TACR3: variants seen among roughly 807,000 people sequenced by gnomAD.
The protein encoded by TACR3 is tachykinin receptor 3, also known as neuromedin-K receptor.
A neutral mutation model predicts 35.0 loss-of-function variants in TACR3; 34 were observed. The ratio of observed to expected loss-of-function variants is 0.97; its 90% CI spans 0.74 to 1.30. TACR3 has a LOEUF of 1.30. Among genes scored for constraint, TACR3 ranks in the 50% most tolerant of loss-of-function variants. The pLI is 0.00. For missense variants in TACR3, 558 were observed against 591.7 expected, an observed-to-expected ratio of 0.94 and a Z score of 0.59; for synonymous variants, 233 against 221.1, an observed-to-expected ratio of 1.05 and a Z score of -0.48.
chr4:103,694,064 T>A (rs553758535), intron 1 of TACR3, among the ~76,000 whole-genome samples: 6 of 152,122 alleles, frequency 3.9e-5, no homozygotes, highest in East Asian at 1.9e-4. Context: ...ACATTAAAAA[T>A]TTTTTTCTTT....
chr4:103,595,555 T>C (rs1723986524), intron 3 of TACR3, among the ~76,000 whole-genome samples: 1 of 152,100 alleles, frequency 6.6e-6, no homozygotes, highest in South Asian at 2.1e-4. Context: ...TTGTATACCG[T>C]ACAGATTAGA....
chr4:103,706,608 A>G (rs1359023239), intron 1 of TACR3, among the ~76,000 whole-genome samples: 1 of 152,174 alleles, frequency 6.6e-6, no homozygotes, highest in African/African-American at 2.4e-5. Flanking sequence ...GAAAGAAAGT[A>G]CATATAATAA....
intron 3 of TACR3, among the ~76,000 whole-genome samples, chr4:103,632,014 G>T (rs1725077421): frequency 6.6e-6 from 1 of 152,028 alleles, no homozygotes; most frequent in Non-Finnish European, 1.5e-5. Context: ...GTAAACTAAA[G>T]AATCATACAT....
rs116635493 is a variant in TACR3, at chr4:103,717,557, T to G, written c.548+1571A>C. ...TTTCCCCTTCAAATTGAAATACAGA[T>G]TTCACATGCACTAAAATTTTCTTCA... is the stretch of plus-strand genomic sequence containing the variant. On this transcript the variant is annotated intron_variant, in intron 1 of 4. Transcript: ENST00000304883. Among the ~76,000 whole-genome samples the G allele has an allele frequency of 4.8e-3, 732 of 152,220 alleles. 7 individuals are homozygous for G. The highest frequency in any genetic ancestry group is 0.017 in the African/African-American group (691 of 41,546).
chr4:103,606,159 G>T (rs1232598391), intron 3 of TACR3, among the ~76,000 whole-genome samples: 1 of 151,346 alleles, frequency 6.6e-6, no homozygotes, highest in Non-Finnish European at 1.5e-5. Context: ...ATTTCTGAGG[G>T]CTCTGTTCTG....
chr4:103,718,869 T>C (rs950781492), intron 1 of TACR3, among the ~76,000 whole-genome samples: 1 of 152,172 alleles, frequency 6.6e-6, no homozygotes, highest in African/African-American at 2.4e-5. Flanking sequence ...CTGTCCCTCA[T>C]TCACCTTCTT....
At chr4:103,679,131 T>A (rs1472005158) in intron 1 of TACR3, among the ~76,000 whole-genome samples, 2 of 152,074 alleles carry the variant, frequency 1.3e-5, no homozygotes, top group Non-Finnish European at 2.9e-5. Flanking sequence ...TCCTCTATGT[T>A]GCATTACTGT....
chr4:103,628,361 G>A (rs1484095272), intron 3 of TACR3, among the ~76,000 whole-genome samples: 1 of 151,492 alleles, frequency 6.6e-6, no homozygotes, highest in East Asian at 1.9e-4. Context: ...CCAGGAGCTG[G>A]TTTTTTGAAA....
At chr4:103,699,822 G>A (rs777129748) in intron 1 of TACR3, among the ~76,000 whole-genome samples, 29 of 152,058 alleles carry the variant, frequency 1.9e-4, no homozygotes, top group Non-Finnish European at 3.5e-4. Context: ...TTAGAGGAAC[G>A]TCAGGAACTC....
chr4:103,686,075 C>A (rs1332334107), intron 1 of TACR3, among the ~76,000 whole-genome samples: 3 of 152,170 alleles, frequency 2.0e-5, no homozygotes, highest in African/African-American at 7.2e-5. Flanking sequence ...AGCAACAAAT[C>A]TGCAGTCTAG....
At chr4:103,702,621 A>G (rs1722681620) in intron 1 of TACR3, among the ~76,000 whole-genome samples, 1 of 152,082 alleles carries the variant, frequency 6.6e-6, no homozygotes, top group African/African-American at 2.4e-5. Flanking sequence ...TTGCGGCACT[A>G]TTCACAATAG....
intron 1 of TACR3, among the ~76,000 whole-genome samples, chr4:103,673,931 G>A (rs556601426): frequency 3.3e-5 from 5 of 152,254 alleles, no homozygotes; most frequent in African/African-American, 9.6e-5. Flanking sequence ...TTTTCCAAAT[G>A]TGTACAACTC....
intron 3 of TACR3, among the ~76,000 whole-genome samples, chr4:103,638,717 C>G (rs898681038): frequency 1.3e-5 from 2 of 152,136 alleles, no homozygotes; most frequent in African/African-American, 4.8e-5. Flanking sequence ...TATCCAGAAT[C>G]TACAATGAAC....
chr4:103,678,879 C>T (rs1166651015), intron 1 of TACR3, among the ~76,000 whole-genome samples: 2 of 151,448 alleles, frequency 1.3e-5, no homozygotes, highest in Non-Finnish European at 1.5e-5. Flanking sequence ...TCTTTGAGGG[C>T]CATAAGTCTT....
chr4:103,605,542 TC>T (rs1197487595), intron 3 of TACR3, among the ~76,000 whole-genome samples: 1 of 150,020 alleles, frequency 6.7e-6, no homozygotes, highest in Non-Finnish European at 1.5e-5. Context: ...AGATAGTATC[TC>T]ATTGTGGTTT....
chr4:103,616,086 T>C (rs1006463969), intron 3 of TACR3, among the ~76,000 whole-genome samples: 17 of 152,190 alleles, frequency 1.1e-4, no homozygotes, highest in African/African-American at 4.1e-4. Context: ...AGGTCAGTAA[T>C]GTCAGAAATT....
At chr4:103,623,662 C>T (rs935805258) in intron 3 of TACR3, among the ~76,000 whole-genome samples, 12 of 152,074 alleles carry the variant, frequency 7.9e-5, no homozygotes, top group Non-Finnish European at 1.5e-4. Context: ...GCAATAGAAA[C>T]TGAATTTTAA....
At position 103,629,865 on chromosome 4, in the gene TACR3, A is replaced by AC. The variant is rs1422527724; in HGVS notation, c.888+26328_888+26329insG. 5.6e-4 allele frequency among the ~76,000 whole-genome samples: 73 copies of AC among 130,562 alleles called. 2 individuals are homozygous for AC. Among genetic ancestry groups the AC allele is most frequent in the Middle Eastern group, 4.5e-3 (1 of 224 alleles). 85.7% of individuals were successfully genotyped at this position (130,562 alleles called of 152,430 possible). A position where few individuals can be genotyped will look rare whatever the true frequency, so the allele number is the denominator to read the frequency against. On this transcript the variant is annotated intron_variant, in intron 3 of 4. Transcript: ENST00000304883. ...CTAAGCAAAACAAAAAAAAAACAAA[A>AC]AAAAAACAAAAAAAACAACAACAAC... is the stretch of plus-strand genomic sequence containing the variant.
intron 1 of TACR3, among the ~76,000 whole-genome samples, chr4:103,686,983 T>A (rs1000211885): frequency 6.6e-6 from 1 of 152,242 alleles, no homozygotes; most frequent in African/African-American, 2.4e-5. Context: ...TGAACACTGA[T>A]GCAAAAATCC....
Sources: allele counts gnomAD v4.1 joint callset (sites outside exome capture counted in the v4.1 genomes callset), GRCh38; gene constraint gnomAD v4.1.1; transcripts MANE v1.5; gene names NCBI Gene and HGNC (gene_info 2026-07-23, HGNC 2026-07-21).